The following SCMH1 variants were observed in gnomAD, a reference collection of about 807,000 sequenced individuals.
SCMH1 encodes the protein polycomb protein SCMH1.
Under a neutral mutation model 70.8 loss-of-function variants are expected in SCMH1, and 37 were observed. The observed-to-expected ratio is 0.52, with a 90% CI of 0.40 to 0.69. The LOEUF is 0.69. Among genes scored for constraint, SCMH1 ranks in the 30% least tolerant of loss-of-function variants. The pLI, the probability that SCMH1 is intolerant of heterozygous loss-of-function variation, is 0.00. For missense variants in SCMH1, 607 were observed against 827.3 expected (o/e 0.73, Z 3.27); for synonymous variants, 292 against 307.4 (o/e 0.95, Z 0.52).
At chr1:41,185,879 C>T in intron 2 of SCMH1, 1 of 281,880 alleles carries the variant, frequency 3.5e-6, no homozygotes, top group Non-Finnish European at 6.8e-6. Context: ...CCCACCTTGG[C>T]TTCCCAGAGT....
At chr1:41,081,792 T>C (rs888656606) in intron 8 of SCMH1, among the ~76,000 whole-genome samples, 2 of 149,050 alleles carry the variant, frequency 1.3e-5, no homozygotes, top group African/African-American at 5.0e-5. Flanking sequence ...TGCACTCTAG[T>C]CTAGGTGACA....
At chr1:41,048,056 G>A (rs1215155511) in intron 11 of SCMH1, among the ~76,000 whole-genome samples, 1 of 152,142 alleles carries the variant, frequency 6.6e-6, no homozygotes, top group East Asian at 1.9e-4. Flanking sequence ...ATATGGAATA[G>A]CATCAGTTAA....
intron 1 of SCMH1, among the ~76,000 whole-genome samples, chr1:41,229,475 C>A (rs772796368): frequency 8.5e-5 from 13 of 152,116 alleles, no homozygotes; most frequent in South Asian, 2.1e-4. Flanking sequence ...TCATTCTGAG[C>A]AAACTATCAC....
chr1:41,051,020 A>G (rs992195599), intron 10 of SCMH1, among the ~76,000 whole-genome samples: 1 of 152,220 alleles, frequency 6.6e-6, no homozygotes, highest in Non-Finnish European at 1.5e-5. Flanking sequence ...AAGAATGTTC[A>G]TAATAGTTTA....
intron 6 of SCMH1, among the ~76,000 whole-genome samples, chr1:41,140,917 AT>A (rs1644007530): frequency 6.6e-6 from 1 of 152,232 alleles, no homozygotes; most frequent in African/African-American, 2.4e-5. Flanking sequence ...AATAAGGTCA[AT>A]TGGTGTGATG....
At chr1:41,175,769 T>C (rs749562229) in intron 2 of SCMH1, among the ~76,000 whole-genome samples, 7 of 152,280 alleles carry the variant, frequency 4.6e-5, no homozygotes, top group Admixed American at 6.5e-5. Context: ...ACTCCAAGTG[T>C]TTGCCTTCTC....
intron 6 of SCMH1, among the ~76,000 whole-genome samples, chr1:41,125,667 G>A (rs1030069468): frequency 6.6e-6 from 1 of 151,716 alleles, no homozygotes; most frequent in Admixed American, 6.6e-5. Context: ...CGACCTCCCA[G>A]ACTCAAGGGG....
intron 2 of SCMH1, among the ~76,000 whole-genome samples, chr1:41,163,801 T>TA (rs1289978627): frequency 1.3e-5 from 2 of 152,158 alleles, no homozygotes; most frequent in Non-Finnish European, 2.9e-5. Context: ...CCTGGAAACT[T>TA]AGACAACTGC....
chr1:41,151,308 A>G (rs1557665920), intron 5 of SCMH1, among the ~76,000 whole-genome samples: 1 of 152,194 alleles, frequency 6.6e-6, no homozygotes, highest in African/African-American at 2.4e-5. Flanking sequence ...ATGGACTATA[A>G]CTCTCTTTCC....
rs1644039811 is a variant in SCMH1 at position 41,028,443 on chromosome 1, A to AC, written c.1822-125dup. On this transcript the variant is annotated intron_variant, in intron 14 of 14. Coordinates refer to ENST00000337495, the Ensembl canonical transcript of SCMH1. ...GTGCCCGCCACATGGAGTCCAGTTC[A>AC]CCTGCTGTGATGCTGAAGCCTACCT... 8.0e-6 allele frequency: 12 copies of AC among 1,503,662 alleles called. No individual in the cohort carries two copies. In the Admixed American group the frequency reaches 2.1e-4, roughly 26 times the overall value. The allele number at this position is 1,503,662 out of a possible 1,614,324, so 93.1% of individuals were successfully genotyped here. A position where few individuals can be genotyped will look rare whatever the true frequency, so the allele number is the denominator to read the frequency against.
At chr1:41,074,185 A>C (rs1400480012) in intron 9 of SCMH1, among the ~76,000 whole-genome samples, 5 of 151,818 alleles carry the variant, frequency 3.3e-5, no homozygotes. Flanking sequence ...AAGGTGACTC[A>C]GCTGTCTTTT....
At chr1:41,200,863 A>G (rs1415226593) in intron 1 of SCMH1, among the ~76,000 whole-genome samples, 1 of 152,228 alleles carries the variant, frequency 6.6e-6, no homozygotes, top group Non-Finnish European at 1.5e-5. Context: ...TCATGATAAC[A>G]AAATGAACAG....
intron 4 of SCMH1, among the ~76,000 whole-genome samples, chr1:41,154,516 A>G (rs1332054475): frequency 6.6e-6 from 1 of 152,208 alleles, no homozygotes; most frequent in East Asian, 1.9e-4. Context: ...AGTACAAAGA[A>G]CTGTGTTAAA....
rs140067097 is a variant in SCMH1, at chr1:41,069,432, G to C, written c.1105+1163C>G. On this transcript the variant is annotated intron_variant, in intron 10 of 14. Coordinates refer to ENST00000337495, the Ensembl canonical transcript of SCMH1. ...CCCCTGGGGAATAGTAATTGACAGG[G>C]GGATACGAGGTATGTTTGTTTTGTT... Among the ~76,000 whole-genome samples, 173 of 152,280 alleles carry C rather than the reference G, an allele frequency of 1.1e-3. 1 individual carries two copies. Among genetic ancestry groups the C allele is most frequent in the African/African-American group, 4.0e-3 (165 of 41,548 alleles).
intron 1 of SCMH1, among the ~76,000 whole-genome samples, chr1:41,220,255 G>C (rs1201254648): frequency 6.6e-6 from 1 of 152,228 alleles, no homozygotes; most frequent in Non-Finnish European, 1.5e-5. Context: ...ATTATAGCAA[G>C]CACCAACTGC....
intron 6 of SCMH1, among the ~76,000 whole-genome samples, chr1:41,132,824 T>G (rs1439430698): frequency 6.6e-6 from 1 of 152,192 alleles, no homozygotes; most frequent in Non-Finnish European, 1.5e-5. Flanking sequence ...CTTGTTTTTG[T>G]CATGTTTGTC....
chr1:41,036,703 T>C (rs1042299144), intron 13 of SCMH1, among the ~76,000 whole-genome samples: 1 of 152,354 alleles, frequency 6.6e-6, no homozygotes, highest in East Asian at 1.9e-4. Context: ...CAGGCTTTTC[T>C]CTTTGAGTCT....
intron 1 of SCMH1, among the ~76,000 whole-genome samples, chr1:41,194,730 A>G (rs1652578739): frequency 6.6e-6 from 1 of 151,996 alleles, no homozygotes; most frequent in Non-Finnish European, 1.5e-5. Context: ...GACCAGGGCC[A>G]TTTGACTTTA....
chr1:41,178,097 GA>G (rs1182172558), intron 2 of SCMH1, among the ~76,000 whole-genome samples: 1 of 152,130 alleles, frequency 6.6e-6, no homozygotes, highest in Non-Finnish European at 1.5e-5. Context: ...CATTCTTAAA[GA>G]AAAGAATTTT....
Sources: allele counts gnomAD v4.1 joint callset (sites outside exome capture counted in the v4.1 genomes callset), GRCh38; gene constraint gnomAD v4.1.1; transcripts MANE v1.5; gene names NCBI Gene and HGNC (gene_info 2026-07-23, HGNC 2026-07-21).